The following SEPTIN14 variants were observed in gnomAD, a reference collection of about 807,000 sequenced individuals.
SEPTIN14 encodes the protein septin-14.
A neutral mutation model predicts 53.6 loss-of-function variants in SEPTIN14; 40 were observed. The observed-to-expected ratio is 0.75, with a 90% CI of 0.58 to 0.97. The LOEUF (loss-of-function observed/expected upper bound fraction) is 0.97, where lower values mean the gene tolerates loss of function less well. Ranked by LOEUF, SEPTIN14 falls within the 50% of genes least tolerant of loss-of-function variation. SEPTIN14 has a pLI of 0.00. For synonymous variants in SEPTIN14, 138 were observed against 166.8 expected (o/e 0.83, Z 1.33); for missense variants, 471 against 508.2 (o/e 0.93, Z 0.70).
At position 55,843,081 on chromosome 7, in the gene SEPTIN14, A is replaced by G; in HGVS notation, c.419T>C (p.Leu140Pro). ...DYIDAQFEAYLQEELKIKRSL... is the reference protein window; with the variant it reads ...DYIDAQFEAYPQEELKIKRSL... Reference sequence around the variant, plus strand: ...ACGTTTAATCTTCAGTTCTTCTTGAAGATAGGCCTCAAATTGGGCATCTAT... The same window carrying G: ...ACGTTTAATCTTCAGTTCTTCTTGAGGATAGGCCTCAAATTGGGCATCTAT... The change falls in exon 5 of 10, where the codon CTT (leucine) becomes CCT (proline). Residue 140 changes from leucine (L) to proline (P), a missense_variant. Coordinates refer to ENST00000388975, the MANE Select transcript of SEPTIN14 (RefSeq NM_207366.3). 6.2e-7 allele frequency: 1 copy of G among 1,605,912 alleles called. No homozygotes were observed. Among genetic ancestry groups the G allele is most frequent in the Non-Finnish European group, 8.5e-7 (1 of 1,177,622 alleles).
chr7:55,849,935 T>C (rs1029008753), intron 2 of SEPTIN14, among the ~76,000 whole-genome samples: 4 of 151,918 alleles, frequency 2.6e-5, no homozygotes, highest in Non-Finnish European at 4.4e-5. Flanking sequence ...TAAATTTCAT[T>C]GGGAAAAAAA....
At chr7:55,835,766 G>A (rs997923479) in intron 5 of SEPTIN14, among the ~76,000 whole-genome samples, 15 of 151,144 alleles carry the variant, frequency 9.9e-5, no homozygotes, top group East Asian at 5.9e-4. Context: ...TTTTTGAGGC[G>A]GAATCTTGCT....
At chr7:55,798,383 A>C (rs1394327483) in intron 9 of SEPTIN14, 3 of 239,464 alleles carry the variant, frequency 1.3e-5, no homozygotes, top group Admixed American at 5.4e-5. Flanking sequence ...GTAAGGGCCC[A>C]CCTTCCACCA....
chr7:55,799,533 A>G (rs1253234490), intron 9 of SEPTIN14, among the ~76,000 whole-genome samples: 3 of 150,752 alleles, frequency 2.0e-5, no homozygotes, highest in Non-Finnish European at 4.4e-5. Flanking sequence ...AAAAAAAAAA[A>G]AAAAAAAAAG....
intron 2 of SEPTIN14, among the ~76,000 whole-genome samples, chr7:55,861,572 T>C (rs1789750468): frequency 6.6e-6 from 1 of 152,128 alleles, no homozygotes; most frequent in African/African-American, 2.4e-5. Flanking sequence ...TCCAACCATT[T>C]GCTAAAATAA....
chr7:55,835,810 T>C (rs1477997823), intron 5 of SEPTIN14, among the ~76,000 whole-genome samples: 2 of 152,150 alleles, frequency 1.3e-5, no homozygotes, highest in Non-Finnish European at 2.9e-5. Context: ...TGGCGCAATC[T>C]AGGCTCAGGG....
chr7:55,850,255 T>A (rs919754581), intron 2 of SEPTIN14, among the ~76,000 whole-genome samples: 17 of 152,168 alleles, frequency 1.1e-4, no homozygotes, highest in African/African-American at 3.1e-4. Context: ...TTGGATCACC[T>A]GAGGTCAGGA....
intron 6 of SEPTIN14, among the ~76,000 whole-genome samples, chr7:55,822,196 T>C (rs1788907494): frequency 6.6e-6 from 1 of 152,132 alleles, no homozygotes; most frequent in African/African-American, 2.4e-5. Context: ...ACCACCATAC[T>C]GTTTTTCATA....
chr7:55,833,296 C>G (rs978874137), intron 6 of SEPTIN14, among the ~76,000 whole-genome samples: 1 of 151,248 alleles, frequency 6.6e-6, no homozygotes, highest in Non-Finnish European at 1.5e-5. Flanking sequence ...GCCTGGGCAA[C>G]AGAGAGAGAC....
At chr7:55,855,152 G>A (rs368406174) in intron 2 of SEPTIN14, among the ~76,000 whole-genome samples, 4 of 151,928 alleles carry the variant, frequency 2.6e-5, no homozygotes, top group East Asian at 1.9e-4. Flanking sequence ...GGGACTACAG[G>A]CGCCCGCCAC....
intron 8 of SEPTIN14, among the ~76,000 whole-genome samples, chr7:55,805,804 C>A (rs1788602137): frequency 6.6e-6 from 1 of 152,166 alleles, no homozygotes; most frequent in African/African-American, 2.4e-5. Context: ...ATTTTCATAT[C>A]TTTTGACAAT....
intron 6 of SEPTIN14, among the ~76,000 whole-genome samples, chr7:55,833,369 C>T (rs1476380469): frequency 2.0e-5 from 3 of 150,924 alleles, no homozygotes; most frequent in East Asian, 3.9e-4. Context: ...CAAACACACA[C>T]ACACAAATAG....
intron 6 of SEPTIN14, among the ~76,000 whole-genome samples, chr7:55,830,349 A>ATTTTTTTTTTTTTTTTT (rs1216458496): frequency 3.5e-5 from 2 of 56,846 alleles, no homozygotes; most frequent in African/African-American, 2.0e-4. Flanking sequence ...ATATATATAT[A>ATTTTTTTTTTTTTTTTT]TTTTTTTTTT....
In SEPTIN14 at chr7:55,828,850, G is replaced by A. The variant is rs141112770; in HGVS notation, c.720+5575C>T. ...GGTATTTTCCGAGCTTCTCGTATCT[G>A]GATGTGTACCTCTCTAGCAAGGCCA... On this transcript the variant is annotated intron_variant, in intron 6 of 9. Coordinates refer to ENST00000388975, the MANE Select transcript of SEPTIN14 (RefSeq NM_207366.3). 2.8e-3 allele frequency among the ~76,000 whole-genome samples: 425 copies of A among 152,116 alleles called. 5 individuals carry two copies. Among genetic ancestry groups the A allele is most frequent in the Middle Eastern group, 0.01 (3 of 294 alleles).
Position 55,795,550 on chromosome 7 carries a change from C to A in SEPTIN14, c.*363G>T, listed in dbSNP as rs1285557295. 5.3e-5 allele frequency: 13 copies of A among 244,886 alleles called. No individual in the cohort carries two copies. The Admixed American group carries it at 6.9e-4, about 13-fold the overall frequency. The allele number at this position is 244,886 out of a possible 1,614,324, so 15.2% of individuals were successfully genotyped here. A position where few individuals can be genotyped will look rare whatever the true frequency, so the allele number is the denominator to read the frequency against. ...TGGTGAGATCTTGGCTCACTGCAAC[C>A]TCCACCTCCGGGGTTCAAGTGATTC... On this transcript the variant is annotated 3_prime_UTR_variant, in exon 10 of 10. Coordinates refer to ENST00000388975, the MANE Select transcript of SEPTIN14 (RefSeq NM_207366.3).
chr7:55,806,164 AT>A (rs925385388), intron 8 of SEPTIN14, among the ~76,000 whole-genome samples: 5 of 151,388 alleles, frequency 3.3e-5, no homozygotes, highest in African/African-American at 7.3e-5. Context: ...CGCCCAGCTA[AT>A]TTTTTTTGTA....
chr7:55,857,064 T>TA (rs1290061393), intron 2 of SEPTIN14, among the ~76,000 whole-genome samples: 1 of 149,594 alleles, frequency 6.7e-6, no homozygotes, highest in Admixed American at 6.7e-5. Flanking sequence ...AGCGAGACTC[T>TA]ATCTCAAATT....
intron 2 of SEPTIN14, among the ~76,000 whole-genome samples, chr7:55,858,370 G>A (rs1789683727): frequency 6.6e-6 from 1 of 152,212 alleles, no homozygotes; most frequent in African/African-American, 2.4e-5. Flanking sequence ...TTCTTTGCAA[G>A]AGATATTGCA....
At chr7:55,838,873 G>A (rs992944126) in intron 5 of SEPTIN14, among the ~76,000 whole-genome samples, 5 of 151,918 alleles carry the variant, frequency 3.3e-5, no homozygotes, top group African/African-American at 1.2e-4. Flanking sequence ...ACAATTTCCC[G>A]TAATCAACAG....
Sources: allele counts gnomAD v4.1 joint callset (sites outside exome capture counted in the v4.1 genomes callset), GRCh38; gene constraint gnomAD v4.1.1; transcripts MANE v1.5; gene names NCBI Gene and HGNC (gene_info 2026-07-23, HGNC 2026-07-21).